The following SGSM1 variants were observed in gnomAD, a reference collection of about 807,000 sequenced individuals.
SGSM1 encodes the protein RUN and TBC1 domain containing 2.
Under a neutral mutation model 133.8 loss-of-function variants are expected in SGSM1, and 73 were observed. The ratio of observed to expected loss-of-function variants is 0.55; its 90% CI spans 0.45 to 0.66. The LOEUF (loss-of-function observed/expected upper bound fraction) is 0.66. SGSM1 is among the 30% of genes least tolerant of loss of function. The pLI, the probability that SGSM1 is intolerant of heterozygous loss-of-function variation, is 0.00. For missense variants in SGSM1, 1,213 were observed against 1,448.1 expected (o/e 0.84, Z 2.64); for synonymous variants, 563 against 573.0 (o/e 0.98, Z 0.25).
At chr22:24,844,133 C>G (rs1220631077) in intron 2 of SGSM1, 2 of 152,312 alleles carry the variant, frequency 1.3e-5, no homozygotes, top group Non-Finnish European at 2.9e-5. Flanking sequence ...AGGCACTGTT[C>G]TAGGCTGTGC....
intron 8 of SGSM1, among the ~76,000 whole-genome samples, chr22:24,857,528 G>A (rs566806334): frequency 5.3e-5 from 8 of 151,992 alleles, no homozygotes; most frequent in African/African-American, 7.2e-5. Context: ...TGAAACTTAC[G>A]TGGATGTAGT....
chr22:24,896,493 C>CA (rs1037072524), intron 18 of SGSM1, among the ~76,000 whole-genome samples: 2 of 151,894 alleles, frequency 1.3e-5, no homozygotes, highest in African/African-American at 4.8e-5. Context: ...CAAAGAGTCA[C>CA]AAAAAAATCT....
chr22:24,917,686 T>C lies in SGSM1; in HGVS notation c.2957T>C (p.Met986Thr), dbSNP rs1262712160. The C allele has an allele frequency of 6.2e-7, 1 of 1,613,942 alleles. No homozygotes were observed. The highest frequency in any genetic ancestry group is 2.2e-5 in the East Asian group (1 of 44,872). ...QILDSELFELMHQNGDYTHFY... is the reference protein window; with the variant it reads ...QILDSELFELTHQNGDYTHFY... Reference sequence around the variant, plus strand: ...CTGGACTCAGAGCTGTTTGAGCTGATGCATCAGAACGGGGACTATACTCAC... The same window carrying C: ...CTGGACTCAGAGCTGTTTGAGCTGACGCATCAGAACGGGGACTATACTCAC... The change falls in exon 23 of 25, where the codon ATG (methionine) becomes ACG (threonine). Residue 986 changes from methionine (M) to threonine (T), a missense_variant. By Grantham distance (81) the Met-to-Thr change is moderately conservative. Transcript: ENST00000400358.
At position 24,884,060 on chromosome 22, in the gene SGSM1, C is replaced by T. The variant is rs1379375069; in HGVS notation, c.1503C>T (p.Ala501=). The T allele has an allele frequency of 2.5e-6, 4 of 1,611,552 alleles. No individual in the cohort carries two copies. Among genetic ancestry groups the T allele is most frequent in the Non-Finnish European group, 2.5e-6 (3 of 1,178,780 alleles). Residue 501 remains alanine, a synonymous_variant, in exon 15 of 25, where the codon GCC becomes GCT. Coordinates refer to ENST00000400358, the MANE Select transcript of SGSM1 (RefSeq NM_001098497.3). ...ILSRAFYGWL[A]YCRHLSTVRT... is the part of the protein sequence containing the mutation. ...CCCTCCCTCCCTCAACAGGGCTGGCCTACTGCAGACACCTGTCCACCGTGA... is the reference window on the plus strand; with the variant it reads ...CCCTCCCTCCCTCAACAGGGCTGGCTTACTGCAGACACCTGTCCACCGTGA...
At chr22:24,809,875 T>G (rs897115322) in intron 2 of SGSM1, among the ~76,000 whole-genome samples, 5 of 152,188 alleles carry the variant, frequency 3.3e-5, no homozygotes, top group Admixed American at 3.3e-4. Context: ...CAACTGACCA[T>G]GTGCAGGGGC....
At chr22:24,888,938 C>CTTTTTTTT (rs1234715475) in intron 16 of SGSM1, among the ~76,000 whole-genome samples, 10 of 79,952 alleles carry the variant, frequency 1.3e-4, no homozygotes, top group Non-Finnish European at 1.5e-4. Context: ...TCATAGTCAC[C>CTTTTTTTT]TTTTTTTTTT....
intron 2 of SGSM1, among the ~76,000 whole-genome samples, chr22:24,820,608 C>T (rs1275086113): frequency 1.3e-5 from 2 of 152,122 alleles, no homozygotes; most frequent in Non-Finnish European, 2.9e-5. Flanking sequence ...GCCTGTGTGG[C>T]TTTGTTTTTG....
At position 24,814,661 on chromosome 22, in the gene SGSM1, A is replaced by G. The variant is rs151074538; in HGVS notation, c.63+8177A>G. ...CCGCGTGGCTCACCCTTTTGGGAGT[A>G]AGATGGACTCAGTCCCAAAAGGACA... On this transcript the variant is annotated intron_variant, in intron 2 of 24. Coordinates refer to ENST00000400358, the MANE Select transcript of SGSM1 (RefSeq NM_001098497.3). 4.6e-5 allele frequency among the ~76,000 whole-genome samples: 7 copies of G among 152,316 alleles called. No homozygotes were observed. In the East Asian group the frequency reaches 1.2e-3, roughly 25 times the overall value.
At chr22:24,917,545 G>T (rs1355042641) in intron 22 of SGSM1, 113 bp from the exon 23 acceptor site, 4 of 596,618 alleles carry the variant, frequency 6.7e-6, no homozygotes, top group Non-Finnish European at 1.1e-5. Context: ...ACTGTAACTG[G>T]CTGTTAAGGA....
intron 17 of SGSM1, 78 bp downstream of exon 17, chr22:24,893,691 G>A: frequency 7.2e-7 from 1 of 1,391,160 alleles, no homozygotes; most frequent in Non-Finnish European, 9.4e-7. Flanking sequence ...TCTAAGAGTG[G>A]TGAAGACTGG....
At chr22:24,806,855 A>G (rs993565129) in intron 2 of SGSM1, among the ~76,000 whole-genome samples, 1 of 152,000 alleles carries the variant, frequency 6.6e-6, no homozygotes, top group Non-Finnish European at 1.5e-5. Context: ...GACGCCCCCC[A>G]CAGGGTGTGC....
At chr22:24,882,017 G>T (rs1308202540) in intron 14 of SGSM1, among the ~76,000 whole-genome samples, 5 of 151,368 alleles carry the variant, frequency 3.3e-5, no homozygotes, top group Admixed American at 2.0e-4. Flanking sequence ...CTTGGGGGGG[G>T]GCCTTTTTAA....
intron 9 of SGSM1, among the ~76,000 whole-genome samples, chr22:24,860,912 AAAAAAAAAAAATATATATAT>A (rs1017735083): frequency 4.1e-5 from 4 of 97,808 alleles, no homozygotes; most frequent in South Asian, 4.0e-4. Flanking sequence ...AAAAAAAAAA[AAAAAAAAAAAATATATATAT>A]ATATATATAT....
intron 17 of SGSM1, among the ~76,000 whole-genome samples, chr22:24,894,096 G>C (rs1356512008): frequency 6.6e-6 from 1 of 152,198 alleles, no homozygotes; most frequent in Non-Finnish European, 1.5e-5. Context: ...TAGGATCTCA[G>C]TAAAAAGTAG....
Position 24,924,372 on chromosome 22 carries a change from C to A in SGSM1, c.*98C>A. 9.8e-7 allele frequency: 1 copy of A among 1,023,596 alleles called. No homozygotes were observed. Among genetic ancestry groups the A allele is most frequent in the Non-Finnish European group, 1.5e-6 (1 of 666,392 alleles). The allele number at this position is 1,023,596 out of a possible 1,614,324, so 63.4% of individuals were successfully genotyped here. ...GGATGGGCACCCCGGGAGCGGGGTC[C>A]TGGTGTCTGTTCACAAGCGTGGAGT... On this transcript the variant is annotated 3_prime_UTR_variant, in exon 25 of 25. Coordinates refer to ENST00000400358, the MANE Select transcript of SGSM1 (RefSeq NM_001098497.3).
At chr22:24,882,295 C>G (rs1932376491) in intron 14 of SGSM1, among the ~76,000 whole-genome samples, 1 of 152,068 alleles carries the variant, frequency 6.6e-6, no homozygotes, top group Non-Finnish European at 1.5e-5. Flanking sequence ...GTCTTGAACT[C>G]CTGGGCTCAA....
intron 8 of SGSM1, 71 bp downstream of exon 8, chr22:24,855,751 C>T: frequency 3.7e-6 from 6 of 1,611,380 alleles, no homozygotes; most frequent in Non-Finnish European, 3.4e-6. Context: ...AAAGGTCTCT[C>T]TGGCTCCAGA....
intron 22 of SGSM1, among the ~76,000 whole-genome samples, chr22:24,917,321 G>A (rs1299007592): frequency 1.3e-5 from 2 of 152,102 alleles, no homozygotes; most frequent in South Asian, 2.1e-4. Flanking sequence ...AGCAGTGTAT[G>A]GGGGTTCCAG....
chr22:24,874,325 G>A (rs1225330324), intron 12 of SGSM1: 2 of 1,367,354 alleles, frequency 1.5e-6, no homozygotes, highest in Non-Finnish European at 2.0e-6. Flanking sequence ...GAGGGTTGGA[G>A]CCCCCAGAAA....
Sources: allele counts gnomAD v4.1 joint callset (sites outside exome capture counted in the v4.1 genomes callset), GRCh38; gene constraint gnomAD v4.1.1; transcripts MANE v1.5; gene names NCBI Gene and HGNC (gene_info 2026-07-23, HGNC 2026-07-21).